The following GJC1 variants were observed in gnomAD, a reference collection of about 807,000 sequenced individuals.
GJC1 encodes gap junction protein gamma 1.
GJC1 carries 5 observed loss-of-function variants against 29.3 expected under a neutral mutation model. The observed-to-expected ratio is 0.17, with a 90% CI of 0.09 to 0.36. The LOEUF is 0.36. GJC1 is among the 10% of genes least tolerant of loss of function. The pLI is 1.00. For synonymous variants in GJC1, 177 were observed against 183.3 expected, an observed-to-expected ratio of 0.97 and a Z score of 0.28; for missense variants, 310 against 496.2, an observed-to-expected ratio of 0.62 and a Z score of 3.56.
chr17:44,795,394 C>A (rs1473528930), downstream of GJC1, among the ~76,000 whole-genome samples: 1 of 152,154 alleles, frequency 6.6e-6, no homozygotes, highest in Non-Finnish European at 1.5e-5. Context: ...CCACTGCGCC[C>A]AGCTAATTTT....
chr17:44,810,592 T>C (rs999103599), intron 1 of GJC1, among the ~76,000 whole-genome samples: 3 of 152,122 alleles, frequency 2.0e-5, no homozygotes, highest in Non-Finnish European at 2.9e-5. Context: ...CTACGGTCTA[T>C]GCTCTTGACC....
intron 1 of GJC1, chr17:44,813,123 C>T (rs1010170722): frequency 6.6e-6 from 1 of 151,926 alleles, no homozygotes; most frequent in African/African-American, 2.4e-5. Context: ...GGCTGGAGCA[C>T]AGTACCGCAA....
chr17:44,816,404 C>T (rs1418009036), intron 1 of GJC1, among the ~76,000 whole-genome samples: 1 of 152,116 alleles, frequency 6.6e-6, no homozygotes, highest in Non-Finnish European at 1.5e-5. Flanking sequence ...TTATGTAATT[C>T]TCTCTCAAAT....
intron 1 of GJC1, chr17:44,807,752 C>G (rs560595981): frequency 1.3e-5 from 2 of 152,310 alleles, no homozygotes; most frequent in East Asian, 1.9e-4. Flanking sequence ...CAGATGAACT[C>G]TGGCACCTAT....
At chr17:44,796,018 TG>T (rs1311600517), downstream of GJC1, among the ~76,000 whole-genome samples, 1 of 152,212 alleles carries the variant, frequency 6.6e-6, no homozygotes, top group Non-Finnish European at 1.5e-5. Context: ...CTCCTCTGAC[TG>T]CCCAGGCCAA....
At chr17:44,820,132 T>C (rs984848209) in intron 1 of GJC1, among the ~76,000 whole-genome samples, 3 of 152,168 alleles carry the variant, frequency 2.0e-5, no homozygotes, top group Non-Finnish European at 4.4e-5. Flanking sequence ...GCTAATTTTT[T>C]TACATTTTTA....
intron 1 of GJC1, among the ~76,000 whole-genome samples, chr17:44,818,522 A>T (rs997491785): frequency 7.9e-5 from 12 of 150,962 alleles, no homozygotes; most frequent in Non-Finnish European, 1.6e-4. Context: ...AAAAAAAAAA[A>T]AGGCCAGGCA....
chr17:44,806,577 T>C (rs550039429), intron 2 of GJC1, among the ~76,000 whole-genome samples: 4 of 151,836 alleles, frequency 2.6e-5, no homozygotes, highest in Non-Finnish European at 4.4e-5. Context: ...TTAGTAGAGA[T>C]GGGGTTTCAC....
intron 1 of GJC1, among the ~76,000 whole-genome samples, chr17:44,812,765 A>C (rs1249897289): frequency 6.6e-6 from 1 of 151,706 alleles, no homozygotes; most frequent in Non-Finnish European, 1.5e-5. Flanking sequence ...CTCCTGCCTC[A>C]GCCTCCCGAA....
intron 1 of GJC1, among the ~76,000 whole-genome samples, chr17:44,819,237 T>C (rs1330653842): frequency 6.6e-6 from 1 of 152,182 alleles, no homozygotes; most frequent in East Asian, 1.9e-4. Context: ...ACCATTCTAC[T>C]TTCTCTATGG....
intron 1 of GJC1, among the ~76,000 whole-genome samples, chr17:44,822,818 C>T (rs1184973305): frequency 6.6e-6 from 1 of 151,866 alleles, no homozygotes; most frequent in Non-Finnish European, 1.5e-5. Context: ...GTTGAACAGG[C>T]AGCCAGGATA....
At chr17:44,808,266 A>G (rs539002578) in intron 1 of GJC1, among the ~76,000 whole-genome samples, 1 of 147,802 alleles carries the variant, frequency 6.8e-6, no homozygotes, top group East Asian at 2.0e-4. Context: ...GGAACAATGG[A>G]AAAAAAAAAA....
At chr17:44,829,032 A>G (rs1178697653) in intron 1 of GJC1, among the ~76,000 whole-genome samples, 3 of 151,080 alleles carry the variant, frequency 2.0e-5, no homozygotes, top group Non-Finnish European at 4.4e-5. Context: ...CATATAACAA[A>G]TTTAGACTTA....
intron 1 of GJC1, among the ~76,000 whole-genome samples, chr17:44,814,631 C>T (rs1361052831): frequency 6.6e-6 from 1 of 152,002 alleles, no homozygotes; most frequent in African/African-American, 2.4e-5. Context: ...ACATAAGGGA[C>T]CTGAAAAGGT....
At chr17:44,821,005 C>T (rs991793777) in intron 1 of GJC1, among the ~76,000 whole-genome samples, 13 of 152,210 alleles carry the variant, frequency 8.5e-5, no homozygotes, top group Non-Finnish European at 1.3e-4. Flanking sequence ...TAATTTGTGG[C>T]GAATCAAATT....
chr17:44,794,760 C>CG (rs2049774103), downstream of GJC1: 2 of 152,206 alleles, frequency 1.3e-5, no homozygotes, highest in African/African-American at 2.4e-5. Flanking sequence ...CTGGAGTTTA[C>CG]GGCTGTCAGC....
Position 44,830,231 on chromosome 17 carries a change from G to A in GJC1, c.-266C>T, listed in dbSNP as rs1039458714. 2 of 159,118 alleles carry A rather than the reference G, an allele frequency of 1.3e-5. No homozygotes were observed. The highest frequency in any genetic ancestry group is 2.7e-5 in the Non-Finnish European group (2 of 74,942). The allele number at this position is 159,118 out of a possible 1,614,324, so 9.9% of individuals were successfully genotyped here. On this transcript the variant is annotated 5_prime_UTR_variant, in exon 1 of 3. Coordinates refer to ENST00000592524, the MANE Select transcript of GJC1 (RefSeq NM_005497.4). This position sits in a 1 kb window ranked among gnomAD's most constrained non-coding sequence, Gnocchi z 4.3. ...TCCAGCCGAGGCAGAAGCCGCTCCC[G>A]CCGCTGCCGCCGCCGCCGCCGCCTC...
At chr17:44,797,330 T>A (rs1055001924), downstream of GJC1, among the ~76,000 whole-genome samples, 1 of 152,156 alleles carries the variant, frequency 6.6e-6, no homozygotes, top group Non-Finnish European at 1.5e-5. Context: ...ATGGACTCAA[T>A]CTCCTGACTT....
intron 1 of GJC1, among the ~76,000 whole-genome samples, chr17:44,808,956 C>A (rs1339104702): frequency 6.6e-6 from 1 of 152,066 alleles, no homozygotes; most frequent in East Asian, 1.9e-4. Context: ...TGCCTGTAAT[C>A]CCAGCTATTT....
Sources: gnomAD v4.1 joint callset for allele counts (sites outside exome capture counted in the v4.1 genomes callset) on GRCh38, gnomAD v4.1.1 for gene constraint, Gnocchi (gnomAD v3.1) non-coding constraint, MANE v1.5 for transcripts, NCBI Gene and HGNC (gene_info 2026-07-23, HGNC 2026-07-21) for gene names.